The following C6orf118 variants were observed in gnomAD, a reference collection of about 807,000 sequenced individuals.
C6orf118 encodes uncharacterized protein C6orf118.
Under a neutral mutation model 50.2 loss-of-function variants are expected in C6orf118, and 50 were observed. The ratio of observed to expected loss-of-function variants is 1.00; its 90% CI spans 0.79 to 1.26. C6orf118 has a LOEUF of 1.26. C6orf118 is among the 50% of genes most tolerant of loss of function. C6orf118 has a pLI of 0.00. For synonymous variants in C6orf118, 239 were observed against 230.9 expected, an observed-to-expected ratio of 1.03 and a Z score of -0.32; for missense variants, 641 against 578.7, an observed-to-expected ratio of 1.11 and a Z score of -1.10.
intron 6 of C6orf118, among the ~76,000 whole-genome samples, chr6:165,292,996 G>A (rs190923908): frequency 3.9e-5 from 6 of 152,174 alleles, no homozygotes; most frequent in Admixed American, 3.9e-4. Flanking sequence ...GAGGGAAAAT[G>A]GCATTTCATT....
intron 2 of C6orf118, 49 bp from the exon 3 acceptor site, chr6:165,300,535 T>C (rs758098411): frequency 6.4e-7 from 1 of 1,568,892 alleles, no homozygotes; most frequent in Non-Finnish European, 8.6e-7. Context: ...TCATCTTTCT[T>C]CCAGAACCGA....
At chr6:165,299,649 G>A in intron 3 of C6orf118, 147 bp from the exon 4 acceptor site, 1 of 597,350 alleles carries the variant, frequency 1.7e-6, no homozygotes, top group Non-Finnish European at 3.0e-6. Context: ...GCATTAAACG[G>A]TATACATGCT....
chr6:165,281,905 G>C, intron 7 of C6orf118: 2 of 307,202 alleles, frequency 6.5e-6, no homozygotes, highest in Non-Finnish European at 1.2e-5. Flanking sequence ...AACTAGGAGA[G>C]GAGGAAATTG....
chr6:165,302,513 A>G (rs1780596850), intron 1 of C6orf118, among the ~76,000 whole-genome samples: 1 of 152,196 alleles, frequency 6.6e-6, no homozygotes, highest in Admixed American at 6.5e-5. Context: ...CAGGATGTGC[A>G]AGTCAACCCG....
intron 5 of C6orf118, among the ~76,000 whole-genome samples, chr6:165,294,028 C>T (rs1295539877): frequency 2.0e-5 from 3 of 151,978 alleles, no homozygotes; most frequent in South Asian, 2.1e-4. Context: ...GGGCAGATCA[C>T]GAGGTCAGGA....
intron 1 of C6orf118, among the ~76,000 whole-genome samples, chr6:165,305,093 C>T (rs1365024595): frequency 3.5e-4 from 24 of 69,068 alleles, no homozygotes; most frequent in South Asian, 1.2e-3. Context: ...CTACAGTAAC[C>T]AAAACAGCAT....
intron 4 of C6orf118, 125 bp downstream of exon 4, chr6:165,299,318 A>G: frequency 1.4e-6 from 1 of 724,520 alleles, no homozygotes; most frequent in African/African-American, 1.8e-5. Flanking sequence ...CAAAGAACAT[A>G]TCAGCTATTC....
At chr6:165,308,387 T>C (rs1017225585) in intron 1 of C6orf118, among the ~76,000 whole-genome samples, 3 of 152,066 alleles carry the variant, frequency 2.0e-5, no homozygotes, top group Non-Finnish European at 4.4e-5. Context: ...GCTTCCAGAC[T>C]CGCTGGATCC....
chr6:165,292,478 T>TTAGTGGCTAA (rs1232315231), intron 6 of C6orf118, among the ~76,000 whole-genome samples: 1 of 152,262 alleles, frequency 6.6e-6, no homozygotes, highest in Non-Finnish European at 1.5e-5. Flanking sequence ...CATTTTTTTA[T>TTAGTGGCTAA]TAGTGGCTAG....
At chr6:165,298,200 G>T in intron 4 of C6orf118, 99 bp from the exon 5 acceptor site, 142 of 1,312,478 alleles carry the variant, frequency 1.1e-4, no homozygotes, top group Middle Eastern at 2.6e-4. Flanking sequence ...GGTGCCCTGG[G>T]TTAACATATA....
In C6orf118 at chr6:165,299,469, C is replaced by G; in HGVS notation, c.910G>C (p.Glu304Gln). 1 of 1,614,060 alleles carries G rather than the reference C, an allele frequency of 6.2e-7. No homozygotes were observed. The highest frequency in any genetic ancestry group is 1.6e-4 in the Middle Eastern group (1 of 6,062). ...EYELYMATLL[E>Q]SQPAAQYEAL... ...TCGTACTGTGCTGCAGGCTGGGACT[C>G]CAGGAGCGTTGCCATGTAGAGTTCA... The change falls in exon 4 of 9, where the codon GAG becomes CAG. Residue 304 changes from glutamate (E) to glutamine (Q), a missense_variant. Glu to Gln is a conservative substitution (Grantham distance 29). Transcript: ENST00000230301.
chr6:165,287,949 A>G (rs574295345), intron 7 of C6orf118, among the ~76,000 whole-genome samples: 1 of 152,352 alleles, frequency 6.6e-6, no homozygotes, highest in African/African-American at 2.4e-5. Context: ...AATTAAACTA[A>G]AGAGTTCTGC....
At chr6:165,299,800 T>C (rs897145585) in intron 3 of C6orf118, among the ~76,000 whole-genome samples, 2 of 152,216 alleles carry the variant, frequency 1.3e-5, no homozygotes, top group Non-Finnish European at 2.9e-5. Context: ...TTCTCCTGCC[T>C]CAGCCTCTGA....
chr6:165,280,437 A>T (rs1175077013), intron 8 of C6orf118, among the ~76,000 whole-genome samples: 1 of 151,996 alleles, frequency 6.6e-6, no homozygotes, highest in Non-Finnish European at 1.5e-5. Flanking sequence ...TGTATTTGTA[A>T]CTCTATTCCC....
chr6:165,301,109 G>A (rs919632720), intron 2 of C6orf118, among the ~76,000 whole-genome samples: 1 of 152,122 alleles, frequency 6.6e-6, no homozygotes, highest in African/African-American at 2.4e-5. Flanking sequence ...CAGCTGACCA[G>A]TTCCCAGAAG....
intron 1 of C6orf118, among the ~76,000 whole-genome samples, chr6:165,308,583 A>G (rs1583033582): frequency 6.6e-6 from 1 of 152,200 alleles, no homozygotes; most frequent in East Asian, 1.9e-4. Context: ...CAGCCTGGTG[A>G]CAGCCTGAAG....
rs999096432 is a variant in C6orf118, at chr6:165,309,429, TG to T, written c.25+132del. 4 of 1,048,112 alleles carry T rather than the reference TG, an allele frequency of 3.8e-6. No individual in the cohort carries two copies. In the African/African-American group the frequency reaches 6.3e-5, roughly 16 times the overall value. The allele number at this position is 1,048,112 out of a possible 1,614,324, so 64.9% of individuals were successfully genotyped here. ...ACCCCAATCCAGTCCTCAGCCCTAG[TG>T]ACCCTGGAGCCGGCGTGCAGCCACC... On this transcript the variant is annotated intron_variant, in intron 1 of 8. Transcript: ENST00000230301.
At chr6:165,284,623 C>T (rs1253660198) in intron 7 of C6orf118, among the ~76,000 whole-genome samples, 2 of 152,094 alleles carry the variant, frequency 1.3e-5, no homozygotes, top group Non-Finnish European at 2.9e-5. Context: ...TAACAGCATG[C>T]CTCCCAGTGG....
At chr6:165,307,974 C>T (rs1416882382) in intron 1 of C6orf118, among the ~76,000 whole-genome samples, 3 of 152,182 alleles carry the variant, frequency 2.0e-5, no homozygotes, top group Non-Finnish European at 4.4e-5. Flanking sequence ...CCTGAACCCA[C>T]GGATAAACAT....
Sources: allele counts gnomAD v4.1 joint callset (sites outside exome capture counted in the v4.1 genomes callset), GRCh38; gene constraint gnomAD v4.1.1; transcripts MANE v1.5; gene names NCBI Gene and HGNC (gene_info 2026-07-23, HGNC 2026-07-21).